The following CEP112 variants were observed in gnomAD, a reference collection of about 807,000 sequenced individuals.
The protein encoded by CEP112 is centrosomal protein of 112 kDa.
A neutral mutation model predicts 153.0 loss-of-function variants in CEP112; 127 were observed. That is an observed-to-expected ratio of 0.83 (90% CI 0.72 to 0.96). The LOEUF (loss-of-function observed/expected upper bound fraction) is 0.96, where lower values mean the gene tolerates loss of function less well. CEP112 is among the 40% of genes least tolerant of loss of function. CEP112 has a pLI of 0.00. For missense variants in CEP112, 1,089 were observed against 1,101.2 expected, an observed-to-expected ratio of 0.99 and a Z score of 0.16; for synonymous variants, 358 against 374.4, an observed-to-expected ratio of 0.96 and a Z score of 0.51.
chr17:65,808,634 G>A (rs1254113058), intron 21 of CEP112, among the ~76,000 whole-genome samples: 1 of 152,072 alleles, frequency 6.6e-6, no homozygotes, highest in Non-Finnish European at 1.5e-5. Flanking sequence ...GTTTAAAAAT[G>A]TATAGCACTT....
intron 21 of CEP112, among the ~76,000 whole-genome samples, chr17:65,820,327 T>C (rs2056469577): frequency 6.6e-6 from 1 of 152,104 alleles, no homozygotes; most frequent in Non-Finnish European, 1.5e-5. Context: ...CATTGTACCC[T>C]AAAGTAGAAG....
chr17:65,856,717 A>G (rs1294139679), intron 20 of CEP112, among the ~76,000 whole-genome samples: 1 of 152,200 alleles, frequency 6.6e-6, no homozygotes, highest in Admixed American at 6.5e-5. Context: ...CATTGTGCCC[A>G]CTAGGAAAAT....
chr17:65,641,056 T>C lies in CEP112; in HGVS notation c.2707A>G (p.Ile903Val), dbSNP rs566441029. The change falls in exon 25 of 27, where the codon ATA (isoleucine) becomes GTA (valine). Residue 903 changes from isoleucine (I) to valine (V), a missense_variant. Ile to Val is a conservative substitution (Grantham distance 29, BLOSUM62 3). Transcript: ENST00000535342. ...AATTTTGTTTCATATTCTTGTCGTA[T>C]GTAAGTTATCTAAATTGGAAAAAAA... The part of the protein sequence containing the change: ...ELESQEQITY[I>V]RQEYETKLKG... The C allele has an allele frequency of 3.2e-5, 50 of 1,584,974 alleles. 1 individual carries two copies. The South Asian group carries it at 4.9e-4, about 16-fold the overall frequency.
At chr17:66,170,291 G>T (rs950559318) in intron 4 of CEP112, among the ~76,000 whole-genome samples, 6 of 152,052 alleles carry the variant, frequency 3.9e-5, no homozygotes, top group Non-Finnish European at 7.4e-5. Context: ...AGACCTCCAT[G>T]GTAAGTATCT....
intron 1 of CEP112, among the ~76,000 whole-genome samples, chr17:66,190,772 C>CA (rs1394089871): frequency 1.3e-4 from 20 of 152,098 alleles, no homozygotes. Context: ...ACCTACCCTA[C>CA]AGTCAGCAAA....
At chr17:65,786,759 T>C (rs919056312) in intron 21 of CEP112, among the ~76,000 whole-genome samples, 1 of 151,964 alleles carries the variant, frequency 6.6e-6, no homozygotes, top group African/African-American at 2.4e-5. Context: ...ACGACCTTTT[T>C]ATTTTTACTA....
chr17:66,179,650 T>G (rs2072634306), intron 2 of CEP112, among the ~76,000 whole-genome samples: 1 of 152,166 alleles, frequency 6.6e-6, no homozygotes, highest in Non-Finnish European at 1.5e-5. Context: ...TAATTTGACT[T>G]CTTCCTTTCC....
rs567986752 is a variant in CEP112 at position 65,960,917 on chromosome 17, C to T, written c.1872+546G>A. Among the ~76,000 whole-genome samples the T allele has an allele frequency of 2.6e-5, 4 of 152,066 alleles. No individual in the cohort carries two copies. The South Asian group carries it at 6.2e-4, about 24-fold the overall frequency. ...TGAATTTTTTAGTTTATATAAACCACGTTAACAATTATTGCATCTTTGCGA... is the reference window on the plus strand; with the variant it reads ...TGAATTTTTTAGTTTATATAAACCATGTTAACAATTATTGCATCTTTGCGA... On this transcript the variant is annotated intron_variant, in intron 18 of 26. Coordinates refer to ENST00000535342, the MANE Select transcript of CEP112 (RefSeq NM_001199165.4).
chr17:66,082,932 A>G (rs1246735102), intron 8 of CEP112, among the ~76,000 whole-genome samples: 2 of 152,094 alleles, frequency 1.3e-5, no homozygotes, highest in African/African-American at 4.8e-5. Context: ...ACTCATGTTA[A>G]CATCTAAGTA....
At chr17:65,712,294 A>G (rs911310632) in intron 23 of CEP112, among the ~76,000 whole-genome samples, 11 of 152,200 alleles carry the variant, frequency 7.2e-5, no homozygotes, top group Non-Finnish European at 1.3e-4. Context: ...AATTATGATC[A>G]TTTCTTCTGT....
At chr17:66,054,018 G>A in intron 11 of CEP112, 139 bp from the exon 12 acceptor site, 1 of 496,324 alleles carries the variant, frequency 2.0e-6, no homozygotes, top group Non-Finnish European at 3.4e-6. Flanking sequence ...AAAACCACCA[G>A]TAAACATTCA....
chr17:66,178,624 C>A (rs993921689), intron 2 of CEP112, among the ~76,000 whole-genome samples: 6 of 152,020 alleles, frequency 3.9e-5, no homozygotes, highest in African/African-American at 1.2e-4. Flanking sequence ...CTCAAGAAAT[C>A]TCTGCCCAGA....
intron 19 of CEP112, among the ~76,000 whole-genome samples, chr17:65,910,074 G>GA (rs2060228437): frequency 6.6e-6 from 1 of 152,018 alleles, no homozygotes; most frequent in South Asian, 2.1e-4. Flanking sequence ...AGAGTTCACA[G>GA]AAAAAAGAAA....
At chr17:65,743,308 G>T in intron 22 of CEP112, 91 bp from the exon 23 acceptor site, 1 of 956,634 alleles carries the variant, frequency 1.0e-6, no homozygotes, top group Non-Finnish European at 1.5e-6. Context: ...GAATGGATTT[G>T]ACAAAACTCT....
intron 12 of CEP112, among the ~76,000 whole-genome samples, chr17:66,040,943 CT>C (rs1179084473): frequency 1.3e-5 from 2 of 152,088 alleles, no homozygotes; most frequent in Non-Finnish European, 2.9e-5. Context: ...AAGATTTCCT[CT>C]TTAAGTTTTA....
At chr17:65,707,499 A>G (rs1236086822) in intron 23 of CEP112, among the ~76,000 whole-genome samples, 1 of 152,266 alleles carries the variant, frequency 6.6e-6, no homozygotes, top group Admixed American at 6.5e-5. Flanking sequence ...ACTTAGAATA[A>G]TATCTAAGCT....
chr17:66,046,015 T>C (rs559393105), intron 12 of CEP112, among the ~76,000 whole-genome samples: 150 of 151,808 alleles, frequency 9.9e-4, no homozygotes, highest in African/African-American at 3.4e-3. Context: ...AGTTGCCTGC[T>C]AAGACAGACG....
chr17:65,973,987 C>T (rs1486955695), intron 17 of CEP112, among the ~76,000 whole-genome samples: 3 of 152,016 alleles, frequency 2.0e-5, no homozygotes, highest in Non-Finnish European at 2.9e-5. Flanking sequence ...AAATTAAAAC[C>T]GTGTCATTAT....
chr17:66,080,369 T>C (rs1469178387), intron 8 of CEP112, among the ~76,000 whole-genome samples: 1 of 152,130 alleles, frequency 6.6e-6, no homozygotes, highest in African/African-American at 2.4e-5. Flanking sequence ...AACAGACACT[T>C]CTCAAAAGAA....
Sources: allele counts gnomAD v4.1 joint callset (sites outside exome capture counted in the v4.1 genomes callset), GRCh38; gene constraint gnomAD v4.1.1; transcripts MANE v1.5; gene names NCBI Gene and HGNC (gene_info 2026-07-23, HGNC 2026-07-21).